Variants in SLC2A5 observed in about 807,000 individuals in gnomAD.
SLC2A5 encodes solute carrier family 2 member 5, also known as solute carrier family 2, facilitated glucose transporter member 5.
Under a neutral mutation model 50.3 loss-of-function variants are expected in SLC2A5, and 56 were observed. The observed-to-expected ratio is 1.11, with a 90% CI of 0.90 to 1.39. SLC2A5 has a LOEUF of 1.39. SLC2A5 is among the 40% of genes most tolerant of loss of function. The probability of loss-of-function intolerance (pLI) is 0.00; values close to 1 mark genes in which losing one functional copy is unlikely to be tolerated. For synonymous variants in SLC2A5, 269 were observed against 281.9 expected (o/e 0.95, Z 0.46); for missense variants, 566 against 650.1 (o/e 0.87, Z 1.41).
At chr1:9,071,674 C>G (rs1421193065), upstream of SLC2A5, 2 of 152,282 alleles carry the variant, frequency 1.3e-5, no homozygotes, top group Non-Finnish European at 2.9e-5. Context: ...CCGCAGTACC[C>G]GGTTCCTGCC....
chr1:9,092,796 A>G (rs779945016), upstream of SLC2A5, among the ~76,000 whole-genome samples: 3 of 152,128 alleles, frequency 2.0e-5, no homozygotes, highest in Non-Finnish European at 4.4e-5. Flanking sequence ...CAGGAGCCCT[A>G]CAAATCACCT....
chr1:9,086,939 T>C (rs994571178), intron 1 of SLC2A5, among the ~76,000 whole-genome samples: 1 of 152,076 alleles, frequency 6.6e-6, no homozygotes, highest in Non-Finnish European at 1.5e-5. Context: ...AACCCTAAGA[T>C]AAATCCCTCT....
At chr1:9,043,789 T>C (rs1002573740) in intron 4 of SLC2A5, among the ~76,000 whole-genome samples, 2 of 151,402 alleles carry the variant, frequency 1.3e-5, no homozygotes, top group African/African-American at 4.9e-5. Context: ...TGGTGCGATC[T>C]CAGCTCACTG....
At chr1:9,053,891 A>C (rs1477243566) in intron 3 of SLC2A5, among the ~76,000 whole-genome samples, 1 of 151,828 alleles carries the variant, frequency 6.6e-6, no homozygotes, top group Non-Finnish European at 1.5e-5. Flanking sequence ...TAAAAAAATA[A>C]AATAAAAATA....
intron 1 of SLC2A5, among the ~76,000 whole-genome samples, chr1:9,088,189 G>A (rs1642422778): frequency 6.6e-6 from 1 of 151,574 alleles, no homozygotes; most frequent in South Asian, 2.1e-4. Flanking sequence ...AATCCTCCCT[G>A]GGTTTTTCCT....
At chr1:9,084,145 A>AT (rs1642382027) in intron 2 of SLC2A5, among the ~76,000 whole-genome samples, 2 of 152,134 alleles carry the variant, frequency 1.3e-5, no homozygotes, top group African/African-American at 4.8e-5. Flanking sequence ...CCGTCTCAAA[A>AT]AAAAAAAAAT....
rs1479877316 is a variant in SLC2A5, at chr1:9,041,829, A to G, written c.527T>C (p.Val176Ala). 1.2e-6 allele frequency: 2 copies of G among 1,614,114 alleles called. No homozygotes were observed. Among genetic ancestry groups the G allele is most frequent in the Admixed American group, 1.7e-5 (1 of 60,024 alleles). The change falls in exon 5 of 12, where the codon GTG becomes GCG. Residue 176 changes from valine (V) to alanine (A), a missense_variant. Transcript: ENST00000377424. ...PQLFITVGIL[V>A]AQIFGLRNLL... is the part of the protein sequence containing the mutation. ...ATTCCGAAGACCAAAGATCTGGGCCACAAGGATGCCAACAGTGATGAAGAG... is the reference window on the plus strand; with the variant it reads ...ATTCCGAAGACCAAAGATCTGGGCCGCAAGGATGCCAACAGTGATGAAGAG...
chr1:9,087,856 C>G (rs1642419770), intron 1 of SLC2A5, among the ~76,000 whole-genome samples: 1 of 152,132 alleles, frequency 6.6e-6, no homozygotes, highest in East Asian at 1.9e-4. Context: ...CTCTCTCTCT[C>G]TCTTCCTCGT....
chr1:9,080,701 G>A (rs1642342016), intron 2 of SLC2A5, among the ~76,000 whole-genome samples: 1 of 152,174 alleles, frequency 6.6e-6, no homozygotes, highest in African/African-American at 2.4e-5. Context: ...ATGAGACCAG[G>A]CAGGCCATAA....
intron 1 of SLC2A5, among the ~76,000 whole-genome samples, chr1:9,065,624 G>T (rs577246921): frequency 6.6e-6 from 1 of 152,226 alleles, no homozygotes; most frequent in African/African-American, 2.4e-5. Flanking sequence ...GAGCCCAGGA[G>T]TGTGGGCTCG....
chr1:9,050,117 CAA>C (rs377598557), intron 3 of SLC2A5, among the ~76,000 whole-genome samples: 1 of 149,002 alleles, frequency 6.7e-6, no homozygotes, highest in Non-Finnish European at 1.5e-5. Flanking sequence ...ACTAAAAATA[CAA>C]AAAAAAAATT....
chr1:9,037,482 A>T lies in SLC2A5; in HGVS notation c.*104T>A. ...GGAGATGAGGACTGCATTCCACATC[A>T]GAGTTGTTTTATTTCTGGATATTCA... On this transcript the variant is annotated 3_prime_UTR_variant, in exon 12 of 12. Transcript: ENST00000377424. 1.1e-6 allele frequency: 1 copy of T among 941,140 alleles called. No individual in the cohort carries two copies. Among genetic ancestry groups the T allele is most frequent in the Non-Finnish European group, 1.7e-6 (1 of 592,230 alleles). 58.3% of individuals were successfully genotyped at this position (941,140 alleles called of 1,614,324 possible). A position where few individuals can be genotyped will look rare whatever the true frequency, so the allele number is the denominator to read the frequency against.
intron 1 of SLC2A5, among the ~76,000 whole-genome samples, chr1:9,060,178 ATACACACACTACACACACAC>A (rs998996304): frequency 2.8e-5 from 4 of 144,150 alleles, no homozygotes; most frequent in African/African-American, 1.0e-4. Context: ...TACATACACA[ATACACACACTACACACACAC>A]TACACACACG....
At chr1:9,072,626 GA>G (rs1642234851), upstream of SLC2A5, among the ~76,000 whole-genome samples, 1 of 152,022 alleles carries the variant, frequency 6.6e-6, no homozygotes, top group African/African-American at 2.4e-5. Flanking sequence ...TAGGATGGGG[GA>G]GAGGAAATAG....
chr1:9,068,189 C>CAAAAAGAAAAAAAAAAA (rs1642131795), intron 1 of SLC2A5, among the ~76,000 whole-genome samples: 1 of 77,092 alleles, frequency 1.3e-5, no homozygotes, highest in African/African-American at 4.9e-5. Context: ...GACTCTGTGT[C>CAAAAAGAAAAAAAAAAA]AAAAAAAAAA....
chr1:9,078,744 C>T (rs935337135), intron 2 of SLC2A5, among the ~76,000 whole-genome samples: 1 of 152,200 alleles, frequency 6.6e-6, no homozygotes, highest in Non-Finnish European at 1.5e-5. Flanking sequence ...AACAAAGTGT[C>T]GTCAAATAGC....
In SLC2A5 at chr1:9,068,633, G is replaced by A. The variant is rs572747067; in HGVS notation, c.33+871C>T. ...CGCCTGGCTAATTTTTGTATTTTTA[G>A]TAGAGATGGGGTTTCACCATGTTGG... is the stretch of plus-strand genomic sequence containing the variant. On this transcript the variant is annotated intron_variant, in intron 1 of 11. Coordinates refer to ENST00000377424, the MANE Select transcript of SLC2A5 (RefSeq NM_003039.3). Among the ~76,000 whole-genome samples, 87 of 152,062 alleles carry A rather than the reference G, an allele frequency of 5.7e-4. 1 individual carries two copies. Among genetic ancestry groups the A allele is most frequent in the African/African-American group, 2.0e-3 (84 of 41,466 alleles).
At chr1:9,038,112 C>T in intron 10 of SLC2A5, 88 bp from the exon 11 acceptor site, 2 of 1,499,956 alleles carry the variant, frequency 1.3e-6, no homozygotes, top group Non-Finnish European at 1.8e-6. Flanking sequence ...GGTAGCTGGC[C>T]CCAGGACAGA....
intron 3 of SLC2A5, among the ~76,000 whole-genome samples, chr1:9,049,652 G>A (rs1252311366): frequency 1.3e-4 from 19 of 151,036 alleles, no homozygotes; most frequent in Admixed American, 1.1e-3. Flanking sequence ...GCAGTGAGCC[G>A]AGATGGCCCC....
Sources: allele counts gnomAD v4.1 joint callset (sites outside exome capture counted in the v4.1 genomes callset), GRCh38; gene constraint gnomAD v4.1.1; transcripts MANE v1.5; gene names NCBI Gene and HGNC (gene_info 2026-07-23, HGNC 2026-07-21).